The following CLIC5 variants were observed in gnomAD, a reference collection of about 807,000 sequenced individuals.
The protein encoded by CLIC5 is CLIC family member 5, also known as chloride intracellular channel protein 5.
A neutral mutation model predicts 24.7 loss-of-function variants in CLIC5; 20 were observed. The observed-to-expected ratio is 0.81, with a 90% CI of 0.57 to 1.18. The LOEUF (loss-of-function observed/expected upper bound fraction) is 1.18. Among genes scored for constraint, CLIC5 ranks in the 50% most tolerant of loss-of-function variants. CLIC5 has a pLI of 0.00. For synonymous variants in CLIC5, 159 were observed against 135.6 expected (o/e 1.17, Z -1.20); for missense variants, 341 against 326.1 (o/e 1.05, Z -0.35).
intron 1 of CLIC5, among the ~76,000 whole-genome samples, chr6:46,046,621 T>A (rs534054486): frequency 6.6e-6 from 1 of 152,364 alleles, no homozygotes; most frequent in African/African-American, 2.4e-5. Context: ...TATACCATGA[T>A]GATTTTGATA....
intron 1 of CLIC5, among the ~76,000 whole-genome samples, chr6:46,009,572 G>A (rs938865411): frequency 2.6e-5 from 4 of 152,280 alleles, no homozygotes; most frequent in Admixed American, 2.0e-4. Context: ...CTCAGGATGT[G>A]TTCTGGGTAA....
intron 1 of CLIC5, among the ~76,000 whole-genome samples, chr6:45,990,805 G>A (rs921386414): frequency 2.0e-5 from 3 of 152,224 alleles, no homozygotes; most frequent in African/African-American, 7.2e-5. Flanking sequence ...GCTCCCTTAA[G>A]TGGCACACAG....
At chr6:46,096,715 C>A in the CLIC5 span, among the ~76,000 whole-genome samples, 17 of 152,184 alleles carry the variant, frequency 1.1e-4, no homozygotes, top group East Asian at 3.1e-3. Context: ...AATGTTGGAC[C>A]AAAGACTTCT....
rs3814071 is a variant in CLIC5 at position 45,900,135 on chromosome 6, C to A, written c.*2953G>T. 0.12 allele frequency: 18,781 copies of A among 152,158 alleles called. 1,870 individuals carry two copies. Among genetic ancestry groups the A allele is most frequent in the African/African-American group, 0.27 (11,138 of 41,452 alleles). The allele number at this position is 152,158 out of a possible 1,614,324, so 9.4% of individuals were successfully genotyped here. ...CAAACTCAGAAGCAGGCATTGCTGA[C>A]TAGACAGTGAATTCAACTCAGTCAT... On this transcript the variant is annotated 3_prime_UTR_variant, in exon 6 of 6. Transcript: ENST00000339561.
intron 1 of CLIC5, among the ~76,000 whole-genome samples, chr6:45,970,577 T>C (rs1765167532): frequency 6.6e-6 from 1 of 152,106 alleles, no homozygotes; most frequent in South Asian, 2.1e-4. Flanking sequence ...ACACACACAA[T>C]AGTCCAGGCC....
chr6:45,890,625 C>T (rs982142924), intron 6 of CLIC5, among the ~76,000 whole-genome samples: 1 of 152,166 alleles, frequency 6.6e-6, no homozygotes, highest in Non-Finnish European at 1.5e-5. Flanking sequence ...ATGTTCATTG[C>T]AGCATTCACA....
At chr6:46,100,984 G>T in the CLIC5 span, among the ~76,000 whole-genome samples, 9 of 152,100 alleles carry the variant, frequency 5.9e-5, no homozygotes, top group Admixed American at 3.3e-4. Flanking sequence ...GACAGTTATG[G>T]GACAGGACAT....
Position 45,990,183 on chromosome 6 carries a change from G to T in CLIC5, c.63+25297C>A, listed in dbSNP as rs951656881. Among the ~76,000 whole-genome samples, 4 of 152,098 alleles carry T rather than the reference G, an allele frequency of 2.6e-5. No individual in the cohort carries two copies. In the South Asian group the frequency reaches 6.2e-4, roughly 24 times the overall value. ...CTACTGTGTGTTTTACAAATGAAAG[G>T]TATTGTTAAGATCAAACAAAACAAG... is the stretch of plus-strand genomic sequence containing the variant. On this transcript the variant is annotated intron_variant, in intron 1 of 5. Coordinates refer to ENST00000339561, the MANE Select transcript of CLIC5 (RefSeq NM_016929.5).
chr6:45,926,004 G>A (rs764611103), intron 4 of CLIC5, among the ~76,000 whole-genome samples: 9 of 151,928 alleles, frequency 5.9e-5, no homozygotes, highest in Non-Finnish European at 1.3e-4. Context: ...TCATCTTAGG[G>A]TCCCCACAAT....
chr6:46,015,799 A>G lies in CLIC5; in HGVS notation c.-257T>C. 2 of 1,196,698 alleles carry G rather than the reference A, an allele frequency of 1.7e-6. No individual in the cohort carries two copies. Among genetic ancestry groups the G allele is most frequent in the African/African-American group, 3.1e-5 (2 of 63,664 alleles). The allele number at this position is 1,196,698 out of a possible 1,614,324, so 74.1% of individuals were successfully genotyped here. On this transcript the variant is annotated 5_prime_UTR_variant, in exon 1 of 6. Transcript: ENST00000339561. ...AAAGCCGGGTTAAGGGAATGACAACAGGTCGTGGGAGCAACAAGTGCCGGG... is the reference window on the plus strand; with the variant it reads ...AAAGCCGGGTTAAGGGAATGACAACGGGTCGTGGGAGCAACAAGTGCCGGG...
chr6:45,978,762 C>G (rs1184700022), intron 1 of CLIC5, among the ~76,000 whole-genome samples: 1 of 152,006 alleles, frequency 6.6e-6, no homozygotes, highest in Non-Finnish European at 1.5e-5. Context: ...TCCAGCTGAC[C>G]CACATAGTGA....
chr6:45,992,621 C>T (rs1366512288), intron 1 of CLIC5, among the ~76,000 whole-genome samples: 2 of 152,110 alleles, frequency 1.3e-5, no homozygotes, highest in Non-Finnish European at 2.9e-5. Flanking sequence ...TATGTGAATG[C>T]AGAAATACCT....
intron 1 of CLIC5, among the ~76,000 whole-genome samples, chr6:45,997,464 C>T (rs1391438189): frequency 6.7e-6 from 1 of 148,940 alleles, no homozygotes; most frequent in African/African-American, 2.5e-5. Flanking sequence ...TGTAACTAAC[C>T]TACACAATGT....
chr6:45,881,184 G>A (rs1581701181), exon 7 of CLIC5: 1 of 397,914 alleles, frequency 2.5e-6, no homozygotes, highest in Admixed American at 4.4e-5. Flanking sequence ...TCAACAAAAA[G>A]AAAGCTGAAA....
intron 1 of CLIC5, among the ~76,000 whole-genome samples, chr6:46,034,627 AGTG>A (rs560579889): frequency 6.6e-6 from 1 of 152,128 alleles, no homozygotes; most frequent in Non-Finnish European, 1.5e-5. Flanking sequence ...AAAAGGAAAA[AGTG>A]GTGGTAGCTC....
At chr6:46,017,868 C>A (rs1169303205), upstream of CLIC5, among the ~76,000 whole-genome samples, 1 of 152,194 alleles carries the variant, frequency 6.6e-6, no homozygotes, top group Non-Finnish European at 1.5e-5. Flanking sequence ...CAGGCTGTGT[C>A]CCCACAGACT....
intron 1 of CLIC5, among the ~76,000 whole-genome samples, chr6:46,037,085 T>G (rs1204349103): frequency 6.6e-6 from 1 of 152,232 alleles, no homozygotes; most frequent in Admixed American, 6.5e-5. Flanking sequence ...AGATGCCATG[T>G]GTCATTTCTT....
the CLIC5 span, among the ~76,000 whole-genome samples, chr6:46,096,922 G>A: frequency 5.9e-5 from 9 of 152,224 alleles, no homozygotes; most frequent in Non-Finnish European, 1.2e-4. Context: ...GAAAACCAGA[G>A]TAAGCAGAGA....
rs1277829501 is a variant in CLIC5, at chr6:45,953,351, T to G, written c.173+1784A>C. On this transcript the variant is annotated intron_variant, in intron 2 of 5. Coordinates refer to ENST00000339561, the MANE Select transcript of CLIC5 (RefSeq NM_016929.5). ...GGCAACATAGACAACAGGTGCTGGG[T>G]GAGTCTGGAGGGAGGTTGGGTTGAC... 2.6e-5 allele frequency among the ~76,000 whole-genome samples: 4 copies of G among 151,960 alleles called. No homozygotes were observed. In the East Asian group the frequency reaches 5.8e-4, roughly 22 times the overall value.
Sources: allele counts gnomAD v4.1 joint callset (sites outside exome capture counted in the v4.1 genomes callset), GRCh38; gene constraint gnomAD v4.1.1; transcripts MANE v1.5; gene names NCBI Gene and HGNC (gene_info 2026-07-23, HGNC 2026-07-21).